Variants in CAMKMT observed in about 807,000 individuals in gnomAD.
CAMKMT encodes the protein CaM KMT.
In CAMKMT, 53 loss-of-function variants were observed where a neutral mutation model predicts 48.0. That is an observed-to-expected ratio of 1.10 (90% CI 0.89 to 1.39). The LOEUF is 1.39. Ranked by LOEUF, CAMKMT falls within the 40% of genes most tolerant of loss-of-function variation. The pLI, the probability that CAMKMT is intolerant of heterozygous loss-of-function variation, is 0.00. For missense variants in CAMKMT, 428 were observed against 402.7 expected (o/e 1.06, Z -0.54); for synonymous variants, 165 against 152.3 (o/e 1.08, Z -0.61).
At chr2:44,542,194 C>T (rs184396948) in intron 3 of CAMKMT, among the ~76,000 whole-genome samples, 11 of 151,468 alleles carry the variant, frequency 7.3e-5, no homozygotes, top group East Asian at 1.9e-4. Context: ...TCTAAGTCTT[C>T]CCCTGTGAAC....
intron 3 of CAMKMT, among the ~76,000 whole-genome samples, chr2:44,576,327 TAAAAAAA>T (rs569571059): frequency 6.5e-5 from 5 of 76,698 alleles, no homozygotes; most frequent in African/African-American, 1.8e-4. Flanking sequence ...AAACTCTGTC[TAAAAAAA>T]AAAAAAAAAA....
chr2:44,487,352 G>A lies in CAMKMT; in HGVS notation c.376+97047G>A, dbSNP rs967872788. On this transcript the variant is annotated intron_variant, in intron 3 of 10. Transcript: ENST00000378494. ...GAACTTTCTAGCAAAGTCATTATAG[G>A]TAATGATTTCTCAAATGTTTTGAGT... Among the ~76,000 whole-genome samples, 3 of 151,940 alleles carry A rather than the reference G, an allele frequency of 2.0e-5. No individual in the cohort carries two copies. In the South Asian group the frequency reaches 6.2e-4, roughly 32 times the overall value.
chr2:44,386,173 G>A (rs1680761423), intron 2 of CAMKMT, among the ~76,000 whole-genome samples: 1 of 151,720 alleles, frequency 6.6e-6, no homozygotes, highest in African/African-American at 2.4e-5. Context: ...TTCTGTTCAG[G>A]GTATCTAATT....
intron 3 of CAMKMT, among the ~76,000 whole-genome samples, chr2:44,449,395 G>A (rs1186598951): frequency 2.0e-5 from 3 of 152,032 alleles, no homozygotes; most frequent in Admixed American, 6.6e-5. Flanking sequence ...TAACTGTTTA[G>A]TTATCTTCAG....
chr2:44,398,744 AT>A (rs10711901), intron 3 of CAMKMT, among the ~76,000 whole-genome samples: 113,230 of 151,826 alleles, frequency 0.75, 43,253 homozygotes, highest in African/African-American at 0.87. Context: ...GATGTTCTTG[AT>A]TTTTAACAAA....
At chr2:44,620,691 C>T (rs1198465537) in intron 3 of CAMKMT, among the ~76,000 whole-genome samples, 1 of 152,194 alleles carries the variant, frequency 6.6e-6, no homozygotes, top group Non-Finnish European at 1.5e-5. Flanking sequence ...TTATTTCACA[C>T]TTCTTCCTTA....
chr2:44,567,004 T>G (rs1668650254), intron 3 of CAMKMT, among the ~76,000 whole-genome samples: 1 of 152,098 alleles, frequency 6.6e-6, no homozygotes, highest in African/African-American at 2.4e-5. Context: ...ATAGCCAAAT[T>G]CAGAAGCTTG....
intron 3 of CAMKMT, among the ~76,000 whole-genome samples, chr2:44,506,631 A>T (rs1670275006): frequency 6.6e-6 from 1 of 152,178 alleles, no homozygotes. Context: ...CTATGAATAC[A>T]GATACTGGTA....
chr2:44,418,550 A>G (rs1385043306), intron 3 of CAMKMT, among the ~76,000 whole-genome samples: 1 of 152,124 alleles, frequency 6.6e-6, no homozygotes, highest in African/African-American at 2.4e-5. Flanking sequence ...AAAATCATTT[A>G]CCCAAATACG....
intron 3 of CAMKMT, among the ~76,000 whole-genome samples, chr2:44,527,064 CT>C (rs1156831186): frequency 1.3e-5 from 2 of 149,304 alleles, no homozygotes; most frequent in Admixed American, 1.4e-4. Flanking sequence ...CTCCAGCCCC[CT>C]TATTCCTTGA....
At chr2:44,643,478 C>T (rs1673562094) in intron 3 of CAMKMT, among the ~76,000 whole-genome samples, 1 of 152,136 alleles carries the variant, frequency 6.6e-6, no homozygotes, top group Non-Finnish European at 1.5e-5. Context: ...AGAGCTTGAA[C>T]AGTTCTTAAA....
chr2:44,424,627 G>A (rs1320746394), intron 3 of CAMKMT, among the ~76,000 whole-genome samples: 2 of 152,154 alleles, frequency 1.3e-5, no homozygotes, highest in Non-Finnish European at 2.9e-5. Context: ...CAGCAACCTG[G>A]ATGAGATTGG....
chr2:44,562,134 C>G (rs886291679), intron 3 of CAMKMT, among the ~76,000 whole-genome samples: 5 of 152,112 alleles, frequency 3.3e-5, no homozygotes, highest in Admixed American at 3.3e-4. Flanking sequence ...AACTTGCCAC[C>G]CAGCTGCTGT....
intron 3 of CAMKMT, among the ~76,000 whole-genome samples, chr2:44,407,637 C>T (rs1405108579): frequency 1.3e-5 from 2 of 152,094 alleles, no homozygotes; most frequent in Non-Finnish European, 2.9e-5. Context: ...TTATTTGGTA[C>T]TATACAGATG....
In CAMKMT at chr2:44,391,454, C is replaced by T. The variant is rs570158067; in HGVS notation, c.376+1149C>T. Reference sequence around the variant, plus strand: ...TGTTGGCATTTAGTGAATTCTCTCCCACTTAGGTGTATCTCATATTTTTAT... The same window carrying T: ...TGTTGGCATTTAGTGAATTCTCTCCTACTTAGGTGTATCTCATATTTTTAT... On this transcript the variant is annotated intron_variant, in intron 3 of 10. Transcript: ENST00000378494. Among the ~76,000 whole-genome samples the T allele has an allele frequency of 4.6e-5, 7 of 152,170 alleles. No individual in the cohort carries two copies. The South Asian group carries it at 1.4e-3, about 32-fold the overall frequency.
chr2:44,446,378 G>T (rs75287965), intron 3 of CAMKMT, among the ~76,000 whole-genome samples: 2 of 151,936 alleles, frequency 1.3e-5, no homozygotes, highest in African/African-American at 4.8e-5. Context: ...ACACAGTCTC[G>T]CTGTGTCACC....
At chr2:44,507,888 C>T (rs963864022) in intron 3 of CAMKMT, among the ~76,000 whole-genome samples, 1 of 152,186 alleles carries the variant, frequency 6.6e-6, no homozygotes, top group Non-Finnish European at 1.5e-5. Context: ...ATGCAAGAAA[C>T]TTACCTCGGC....
chr2:44,635,552 G>C (rs551320918), intron 3 of CAMKMT, among the ~76,000 whole-genome samples: 12 of 152,218 alleles, frequency 7.9e-5, no homozygotes, highest in African/African-American at 2.9e-4. Flanking sequence ...TTGGGTTCAC[G>C]CACCTTACTT....
rs76024768 is a variant in CAMKMT, at chr2:44,544,776, A to G, written c.376+154471A>G. Among the ~76,000 whole-genome samples the G allele has an allele frequency of 6.2e-3, 945 of 152,338 alleles. 5 individuals carry two copies. Among genetic ancestry groups the G allele is most frequent in the Non-Finnish European group, 0.011 (727 of 68,030 alleles). ...AGTGATTCTTTGATGGGCAGGCTAT[A>G]AGATTCTAATATTTTTTGCCTTTTC... On this transcript the variant is annotated intron_variant, in intron 3 of 10. Transcript: ENST00000378494.
Sources: allele counts gnomAD v4.1 joint callset (sites outside exome capture counted in the v4.1 genomes callset), GRCh38; gene constraint gnomAD v4.1.1; transcripts MANE v1.5; gene names NCBI Gene and HGNC (gene_info 2026-07-23, HGNC 2026-07-21).